The following CDH18 variants were observed in gnomAD, a reference collection of about 807,000 sequenced individuals.
CDH18 encodes the protein cadherin 18.
Under a neutral mutation model 67.9 loss-of-function variants are expected in CDH18, and 31 were observed. The observed-to-expected ratio is 0.46, with a 90% CI of 0.34 to 0.62. The LOEUF (loss-of-function observed/expected upper bound fraction) is 0.62, where lower values mean the gene tolerates loss of function less well. CDH18 is among the 20% of genes least tolerant of loss of function. CDH18 has a pLI of 0.01. For missense variants in CDH18, 890 were observed against 975.5 expected, an observed-to-expected ratio of 0.91 and a Z score of 1.17; for synonymous variants, 362 against 347.2, an observed-to-expected ratio of 1.04 and a Z score of -0.48.
intron 3 of CDH18, among the ~76,000 whole-genome samples, chr5:19,748,446 C>G (rs1039382240): frequency 6.6e-6 from 1 of 152,134 alleles, no homozygotes; most frequent in Non-Finnish European, 1.5e-5. Flanking sequence ...CCAAAATTCA[C>G]TTAAATAGTT....
chr5:20,328,126 T>G (rs542722519), intron 1 of CDH18, among the ~76,000 whole-genome samples: 15 of 152,086 alleles, frequency 9.9e-5, no homozygotes, highest in African/African-American at 3.1e-4. Context: ...GAAGGAAGCC[T>G]TTAGGGGCTT....
intron 2 of CDH18, among the ~76,000 whole-genome samples, chr5:20,194,508 CTG>C (rs1045374151): frequency 6.6e-6 from 1 of 151,966 alleles, no homozygotes; most frequent in Non-Finnish European, 1.5e-5. Context: ...CTGAGACACT[CTG>C]AACAGATATA....
chr5:20,066,635 T>G (rs530328829), intron 2 of CDH18, among the ~76,000 whole-genome samples: 70 of 152,164 alleles, frequency 4.6e-4, no homozygotes, highest in Non-Finnish European at 8.5e-4. Context: ...TTCCACAGCA[T>G]GTCCAGTGAA....
chr5:19,837,857 C>T (rs1029766961), intron 3 of CDH18, among the ~76,000 whole-genome samples: 1 of 152,110 alleles, frequency 6.6e-6, no homozygotes, highest in Non-Finnish European at 1.5e-5. Flanking sequence ...TACTGCTGTG[C>T]TTGCTGTTTC....
chr5:20,501,757 A>G (rs377256129), intron 1 of CDH18, among the ~76,000 whole-genome samples: 3 of 107,584 alleles, frequency 2.8e-5, no homozygotes, highest in Admixed American at 1.1e-4. Flanking sequence ...GTGTGTGTGT[A>G]TACCTTTACA....
At chr5:19,920,711 A>C (rs1579600053) in intron 2 of CDH18, among the ~76,000 whole-genome samples, 2 of 151,688 alleles carry the variant, frequency 1.3e-5, no homozygotes, top group African/African-American at 2.4e-5. Flanking sequence ...ACGGGGTTTC[A>C]CCATGTTGGC....
chr5:19,605,783 T>C (rs1486405063), intron 6 of CDH18, among the ~76,000 whole-genome samples: 1 of 151,998 alleles, frequency 6.6e-6, no homozygotes, highest in Non-Finnish European at 1.5e-5. Context: ...GTAGTGCTGG[T>C]TGAAAGAGTC....
intron 1 of CDH18, among the ~76,000 whole-genome samples, chr5:20,414,258 G>T (rs77684466): frequency 1.3e-5 from 2 of 151,478 alleles, no homozygotes; most frequent in African/African-American, 4.9e-5. Context: ...ATTCACAATA[G>T]TAAGTCTTGG....
chr5:19,814,962 G>C (rs1283612579), intron 3 of CDH18, among the ~76,000 whole-genome samples: 2 of 151,854 alleles, frequency 1.3e-5, no homozygotes, highest in Admixed American at 1.3e-4. Context: ...CCCATAATGT[G>C]TATTGCTGAA....
chr5:20,534,324 T>C (rs1187513982), intron 1 of CDH18, among the ~76,000 whole-genome samples: 3 of 152,224 alleles, frequency 2.0e-5, no homozygotes, highest in South Asian at 4.1e-4. Context: ...TTTGATTAAA[T>C]ATAGCTTGAT....
chr5:20,238,761 C>T (rs144918929), intron 2 of CDH18, among the ~76,000 whole-genome samples: 42 of 152,072 alleles, frequency 2.8e-4, no homozygotes, highest in Admixed American at 2.4e-3. Flanking sequence ...TAGACATAGG[C>T]AAACACTGTA....
At chr5:20,033,691 T>C (rs1739597409) in intron 2 of CDH18, among the ~76,000 whole-genome samples, 1 of 152,074 alleles carries the variant, frequency 6.6e-6, no homozygotes, top group Non-Finnish European at 1.5e-5. Flanking sequence ...AGGTTCTCTA[T>C]ATTCTGTCAT....
chr5:19,933,564 T>G (rs926975932), intron 2 of CDH18, among the ~76,000 whole-genome samples: 6 of 151,504 alleles, frequency 4.0e-5, no homozygotes, highest in African/African-American at 1.5e-4. Flanking sequence ...TTTTTCTCTT[T>G]TGCACCAATT....
At chr5:20,188,574 T>A (rs1018931921) in intron 2 of CDH18, among the ~76,000 whole-genome samples, 18 of 151,970 alleles carry the variant, frequency 1.2e-4, no homozygotes, top group African/African-American at 4.3e-4. Flanking sequence ...TGTACTCCTA[T>A]GAGAAAGGAA....
At chr5:20,501,450 TTTATATACATATTATATATA>T (rs1363623591) in intron 1 of CDH18, among the ~76,000 whole-genome samples, 1 of 103,904 alleles carries the variant, frequency 9.6e-6, no homozygotes, top group Admixed American at 1.0e-4. Flanking sequence ...ATACATATAT[TTTATATACATATTATATATA>T]TTATATACAT....
intron 2 of CDH18, among the ~76,000 whole-genome samples, chr5:20,013,204 TA>T (rs1204896904): frequency 4.6e-5 from 7 of 152,136 alleles, no homozygotes; most frequent in Non-Finnish European, 1.5e-5. Flanking sequence ...TAACATCCTT[TA>T]ATTGATTCAT....
At chr5:19,819,947 T>C (rs530036949) in intron 3 of CDH18, among the ~76,000 whole-genome samples, 1 of 152,182 alleles carries the variant, frequency 6.6e-6, no homozygotes, top group South Asian at 2.1e-4. Flanking sequence ...AGCTGAGTGT[T>C]TTTCCAGTGG....
intron 7 of CDH18, among the ~76,000 whole-genome samples, chr5:19,590,796 G>A (rs1174567628): frequency 1.3e-5 from 2 of 152,078 alleles, no homozygotes; most frequent in African/African-American, 4.8e-5. Context: ...GAAGATTAGA[G>A]CAGAGACAAA....
chr5:19,538,264 C>G (rs1252806906), intron 9 of CDH18, among the ~76,000 whole-genome samples: 2 of 152,062 alleles, frequency 1.3e-5, no homozygotes, highest in African/African-American at 4.8e-5. Flanking sequence ...CCAGTTGAGC[C>G]CACCTGGACT....
Sources: gnomAD v4.1 joint callset for allele counts (sites outside exome capture counted in the v4.1 genomes callset) on GRCh38, gnomAD v4.1.1 for gene constraint, MANE v1.5 for transcripts, NCBI Gene and HGNC (gene_info 2026-07-23, HGNC 2026-07-21) for gene names.